Variants in LCA5L observed in about 807,000 individuals in gnomAD.
LCA5L encodes the protein lebercilin LCA5 like.
Under a neutral mutation model 45.4 loss-of-function variants are expected in LCA5L, and 35 were observed. That is an observed-to-expected ratio of 0.77 (90% CI 0.59 to 1.02). The LOEUF is 1.02. LCA5L is among the 50% of genes least tolerant of loss of function. The pLI is 0.00. For missense variants in LCA5L, 668 were observed against 761.6 expected (o/e 0.88, Z 1.45); for synonymous variants, 233 against 264.7 (o/e 0.88, Z 1.16).
intron 7 of LCA5L, among the ~76,000 whole-genome samples, chr21:39,416,898 C>T (rs2041277611): frequency 6.6e-6 from 1 of 152,306 alleles, no homozygotes; most frequent in African/African-American, 2.4e-5. Flanking sequence ...GGAATGGCTT[C>T]TTTCTGTGGC....
intron 2 of LCA5L, among the ~76,000 whole-genome samples, chr21:39,442,445 T>C (rs2076962952): frequency 6.6e-6 from 1 of 152,142 alleles, no homozygotes; most frequent in East Asian, 1.9e-4. Context: ...TAATCAGCTC[T>C]GCCTTCTGAA....
chr21:39,439,780 A>G (rs113426556), intron 2 of LCA5L: 14 of 152,332 alleles, frequency 9.2e-5, no homozygotes, highest in African/African-American at 3.1e-4. Context: ...AAGGCTGAGA[A>G]AGCAGAGTGA....
chr21:39,422,859 C>T (rs1169526703), intron 6 of LCA5L, 117 bp downstream of exon 6: 16 of 945,268 alleles, frequency 1.7e-5, no homozygotes, highest in East Asian at 7.2e-5. Context: ...TAGTGCAGCA[C>T]GCCAAGTGAA....
At chr21:39,412,793 C>T (rs1337714739) in intron 7 of LCA5L, among the ~76,000 whole-genome samples, 1 of 152,120 alleles carries the variant, frequency 6.6e-6, no homozygotes. Context: ...AGCGCCTCCC[C>T]CGCCGCCCCA....
Position 39,423,345 on chromosome 21 carries a change from A to T in LCA5L, c.468T>A (p.Asn156Lys), listed in dbSNP as rs141251948. ...ARLHKIKGLK[N>K]ELADMHHKLE... ...ATTTATGATGCATATCAGCTAATTCATTTTTTAGTCCTTTAATTTTATGAA... is the reference window on the plus strand; with the variant it reads ...ATTTATGATGCATATCAGCTAATTCTTTTTTTAGTCCTTTAATTTTATGAA... The change falls in exon 6 of 11, where the codon AAT (asparagine) becomes AAA (lysine). Residue 156 changes from asparagine (N) to lysine (K), a missense_variant. Coordinates refer to ENST00000288350, the MANE Select transcript of LCA5L (RefSeq NM_152505.4). 6.2e-7 allele frequency: 1 copy of T among 1,612,820 alleles called. No homozygotes were observed. Among genetic ancestry groups the T allele is most frequent in the East Asian group, 2.2e-5 (1 of 44,858 alleles).
intron 8 of LCA5L, 98 bp from the exon 9 acceptor site, chr21:39,410,465 A>T (rs2039893916): frequency 1.6e-6 from 1 of 614,048 alleles, no homozygotes; most frequent in African/African-American, 1.9e-5. Flanking sequence ...GTAATAATAA[A>T]GTATACTAAG....
intron 5 of LCA5L, 108 bp from the exon 6 acceptor site, chr21:39,423,598 A>C: frequency 1.1e-6 from 1 of 900,398 alleles, no homozygotes; most frequent in East Asian, 2.6e-5. Context: ...CACCACACAC[A>C]TACACACAAG....
intron 8 of LCA5L, 24 bp downstream of exon 8, chr21:39,411,694 T>C: frequency 1.6e-6 from 2 of 1,221,658 alleles, no homozygotes; most frequent in Non-Finnish European, 2.3e-6. Flanking sequence ...AAATAGATTT[T>C]GAGCAAAAGT....
rs373259261 is a variant in LCA5L, at chr21:39,431,841, C to CTGT, written c.-91-2633_-91-2631dup. 5.4e-3 allele frequency among the ~76,000 whole-genome samples: 816 copies of CTGT among 152,258 alleles called. 9 individuals carry two copies. Among genetic ancestry groups the CTGT allele is most frequent in the African/African-American group, 0.018 (764 of 41,560 alleles). On this transcript the variant is annotated intron_variant, in intron 3 of 10. Coordinates refer to ENST00000288350, the MANE Select transcript of LCA5L (RefSeq NM_152505.4). Reference sequence around the variant, plus strand: ...TGCCATAAATTTTCTAGTGGATGTACTGTCAACTTGCTTTTGTCAAATTTC... The same window carrying CTGT: ...TGCCATAAATTTTCTAGTGGATGTACTGTTGTCAACTTGCTTTTGTCAAATTTC...
intron 3 of LCA5L, among the ~76,000 whole-genome samples, chr21:39,432,319 A>G (rs2075816418): frequency 6.6e-6 from 1 of 152,176 alleles, no homozygotes. Context: ...TCTTTGACAA[A>G]AAGAGGTCAT....
At position 39,423,495 on chromosome 21, in the gene LCA5L, G is replaced by A. The variant is rs761578327; in HGVS notation, c.323-5C>T. The stretch of plus-strand genomic sequence containing the variant: ...CAACTGATATTTCCTTCTGGCCTGT[G>A]TAAGCAGAAAATCCAGTTTATTACT... On this transcript the variant is annotated splice_region_variant and splice_polypyrimidine_tract_variant and intron_variant, in intron 5 of 10. Transcript: ENST00000288350. 26 of 1,537,844 alleles carry A rather than the reference G, an allele frequency of 1.7e-5. No homozygotes were observed. The East Asian group carries it at 4.5e-4, about 27-fold the overall frequency.
chr21:39,426,233 T>C (rs146996294), intron 5 of LCA5L, among the ~76,000 whole-genome samples: 1 of 152,248 alleles, frequency 6.6e-6, no homozygotes, highest in Non-Finnish European at 1.5e-5. Flanking sequence ...CCACTTGCAT[T>C]TGAGGGGTAT....
rs535202165 is a variant in LCA5L, at chr21:39,443,227, C to T, written c.-246+908G>A. On this transcript the variant is annotated intron_variant, in intron 2 of 10. Transcript: ENST00000288350. ...TGGCAGTTCTTTAAAGTTTGCCTGTCGAAAGGGATAAGGGATTGGACAATA... is the reference window on the plus strand; with the variant it reads ...TGGCAGTTCTTTAAAGTTTGCCTGTTGAAAGGGATAAGGGATTGGACAATA... Among the ~76,000 whole-genome samples, 52 of 152,182 alleles carry T rather than the reference C, an allele frequency of 3.4e-4. 1 individual carries two copies. Among genetic ancestry groups the T allele is most frequent in the Admixed American group, 2.7e-3 (41 of 15,286 alleles).
chr21:39,415,111 T>A (rs2040902600), intron 7 of LCA5L, among the ~76,000 whole-genome samples: 1 of 152,234 alleles, frequency 6.6e-6, no homozygotes, highest in East Asian at 1.9e-4. Flanking sequence ...TCTGTTGCCT[T>A]GGCTGGTCTT....
chr21:39,427,306 T>A (rs1265559920), intron 5 of LCA5L, among the ~76,000 whole-genome samples: 1 of 152,060 alleles, frequency 6.6e-6, no homozygotes, highest in Non-Finnish European at 1.5e-5. Context: ...AGAAAGGAGA[T>A]CAAAGATAAC....
At chr21:39,411,061 G>A in intron 8 of LCA5L, 1 of 377,426 alleles carries the variant, frequency 2.6e-6, no homozygotes, top group Non-Finnish European at 5.2e-6. Context: ...AATGATAGTG[G>A]CATCAATATA....
At chr21:39,433,794 T>G (rs1370012578) in intron 3 of LCA5L, among the ~76,000 whole-genome samples, 2 of 149,902 alleles carry the variant, frequency 1.3e-5, no homozygotes, top group Non-Finnish European at 3.0e-5. Context: ...AGAGAGGGTC[T>G]TCTTCTATTG....
Position 39,423,379 on chromosome 21 carries a change from G to GA in LCA5L, c.433dup (p.Ser145PhefsTer6). Reference sequence around the variant, plus strand: ...TCCTTTAATTTTATGAAGCCTTGCTGAGAGTATTCGATGAGCCATAGCATC... The same window carrying GA: ...TCCTTTAATTTTATGAAGCCTTGCTGAAGAGTATTCGATGAGCCATAGCATC... On this transcript the variant is annotated frameshift_variant, in exon 6 of 11. Coordinates refer to ENST00000288350, the MANE Select transcript of LCA5L (RefSeq NM_152505.4). LOFTEE classifies it high-confidence loss of function. 6.2e-7 allele frequency: 1 copy of GA among 1,611,892 alleles called. No individual in the cohort carries two copies. The highest frequency in any genetic ancestry group is 1.6e-4 in the Middle Eastern group (1 of 6,062).
intron 7 of LCA5L, among the ~76,000 whole-genome samples, chr21:39,414,687 C>A (rs187400923): frequency 2.0e-5 from 3 of 148,720 alleles, no homozygotes; most frequent in Non-Finnish European, 4.4e-5. Context: ...TCATAAAAGG[C>A]AGTACTGCAT....
Sources: gnomAD v4.1 joint callset for allele counts (sites outside exome capture counted in the v4.1 genomes callset) on GRCh38, gnomAD v4.1.1 for gene constraint, MANE v1.5 for transcripts, NCBI Gene and HGNC (gene_info 2026-07-23, HGNC 2026-07-21) for gene names.